Variants in LRP1B observed in about 807,000 individuals in gnomAD.
LRP1B encodes the protein low-density lipoprotein receptor-related protein 1B.
LRP1B carries 217 observed loss-of-function variants against 556.6 expected under a neutral mutation model. That is an observed-to-expected ratio of 0.39 (90% CI 0.35 to 0.44). The LOEUF (loss-of-function observed/expected upper bound fraction) is 0.44. LRP1B is among the 20% of genes least tolerant of loss of function. The probability of loss-of-function intolerance (pLI) is 1.00; values close to 1 mark genes in which losing one functional copy is unlikely to be tolerated. For synonymous variants in LRP1B, 2,047 were observed against 1,865.8 expected (o/e 1.10, Z -2.50); for missense variants, 5,053 against 5,620.8 (o/e 0.90, Z 3.23).
intron 2 of LRP1B, among the ~76,000 whole-genome samples, chr2:141,635,295 C>T (rs1689074418): frequency 6.6e-6 from 1 of 151,968 alleles, no homozygotes; most frequent in Non-Finnish European, 1.5e-5. Flanking sequence ...AAATCACAAA[C>T]CATACATCCT....
At chr2:141,054,647 A>G (rs1204078848) in intron 10 of LRP1B, among the ~76,000 whole-genome samples, 2 of 152,010 alleles carry the variant, frequency 1.3e-5, no homozygotes, top group African/African-American at 2.4e-5. Context: ...CAGCTATCTG[A>G]AAAATTGAAT....
chr2:141,310,598 TTC>T (rs971724467), intron 3 of LRP1B, among the ~76,000 whole-genome samples: 4 of 151,538 alleles, frequency 2.6e-5, no homozygotes, highest in Admixed American at 1.3e-4. Context: ...TTTCTCTCTT[TTC>T]TCTCTCTCTC....
chr2:140,601,180 C>T (rs1426834205), intron 42 of LRP1B, among the ~76,000 whole-genome samples: 1 of 150,864 alleles, frequency 6.6e-6, no homozygotes, highest in Admixed American at 6.6e-5. Flanking sequence ...CTTCATAGGC[C>T]TTTTCCAGCA....
At chr2:141,482,741 C>A (rs1308793403) in intron 2 of LRP1B, among the ~76,000 whole-genome samples, 1 of 151,936 alleles carries the variant, frequency 6.6e-6, no homozygotes, top group Non-Finnish European at 1.5e-5. Context: ...AATTACTTGG[C>A]TGATTCACAA....
intron 2 of LRP1B, among the ~76,000 whole-genome samples, chr2:141,625,912 C>CA (rs1472994249): frequency 1.3e-5 from 2 of 152,022 alleles, no homozygotes; most frequent in African/African-American, 4.8e-5. Flanking sequence ...ATTTAGATTG[C>CA]ATATTTCAAG....
At chr2:140,647,225 T>G (rs1273651863) in intron 41 of LRP1B, among the ~76,000 whole-genome samples, 1 of 152,088 alleles carries the variant, frequency 6.6e-6, no homozygotes, top group Admixed American at 6.5e-5. Flanking sequence ...AATGTCTCAA[T>G]AATGTTTTAA....
intron 2 of LRP1B, among the ~76,000 whole-genome samples, chr2:141,636,607 C>T (rs976114414): frequency 5.9e-5 from 9 of 152,014 alleles, no homozygotes; most frequent in African/African-American, 1.2e-4. Context: ...AATCATCACA[C>T]GTAATATCAA....
At chr2:140,537,296 G>T (rs1376744245) in intron 45 of LRP1B, among the ~76,000 whole-genome samples, 1 of 150,146 alleles carries the variant, frequency 6.7e-6, no homozygotes, top group Admixed American at 6.7e-5. Flanking sequence ...AAGTGTTTTT[G>T]TGTTTTCTTA....
intron 41 of LRP1B, among the ~76,000 whole-genome samples, chr2:140,630,276 T>C (rs1296480377): frequency 6.6e-6 from 1 of 152,178 alleles, no homozygotes; most frequent in Non-Finnish European, 1.5e-5. Context: ...AAGAGCATAG[T>C]GATTAAGAGT....
chr2:140,867,340 T>G (rs181685943), intron 27 of LRP1B, among the ~76,000 whole-genome samples: 8 of 152,050 alleles, frequency 5.3e-5, no homozygotes, highest in African/African-American at 1.4e-4. Context: ...GGATTTAGTT[T>G]AAAATAAATA....
chr2:140,791,428 C>T (rs1690117102), intron 32 of LRP1B, among the ~76,000 whole-genome samples: 1 of 151,528 alleles, frequency 6.6e-6, no homozygotes, highest in African/African-American at 2.4e-5. Context: ...GACCCTGTCT[C>T]TAAAAAAATT....
intron 18 of LRP1B, among the ~76,000 whole-genome samples, chr2:140,977,287 A>G (rs1366805): frequency 0.99 from 150,302 of 152,182 alleles, 74,255 homozygotes; most frequent in Middle Eastern, 1. Flanking sequence ...TCTCTGTCTC[A>G]TACCACCCAC....
chr2:140,960,781 C>A (rs1427264098), intron 18 of LRP1B, among the ~76,000 whole-genome samples: 1 of 151,850 alleles, frequency 6.6e-6, no homozygotes, highest in Non-Finnish European at 1.5e-5. Context: ...TGATTATTTA[C>A]ATATGAAATT....
intron 2 of LRP1B, among the ~76,000 whole-genome samples, chr2:141,651,493 A>G (rs886444217): frequency 1.9e-4 from 29 of 152,090 alleles, no homozygotes; most frequent in Non-Finnish European, 3.7e-4. Context: ...GTGAAACCCC[A>G]TCTCTACTAA....
intron 78 of LRP1B, 88 bp downstream of exon 78, chr2:140,335,527 A>G: frequency 1.3e-6 from 1 of 793,982 alleles, no homozygotes; most frequent in Non-Finnish European, 2.2e-6. Context: ...CACATTGAAC[A>G]CTCATTACAG....
chr2:141,904,901 C>A (rs1044903317), intron 1 of LRP1B, among the ~76,000 whole-genome samples: 2 of 151,842 alleles, frequency 1.3e-5, no homozygotes, highest in African/African-American at 4.8e-5. Context: ...GGGACAGAGA[C>A]CTGACCACCT....
intron 1 of LRP1B, among the ~76,000 whole-genome samples, chr2:142,045,536 G>A (rs1704228183): frequency 6.6e-6 from 1 of 151,664 alleles, no homozygotes; most frequent in Non-Finnish European, 1.5e-5. Context: ...TGCAATTGAC[G>A]ACCAACTGAG....
chr2:140,589,024 T>C (rs547029765), intron 43 of LRP1B, among the ~76,000 whole-genome samples: 4 of 149,874 alleles, frequency 2.7e-5, no homozygotes, highest in African/African-American at 7.3e-5. Flanking sequence ...TGACCTAAGT[T>C]TCTGACCAAA....
chr2:140,434,361 T>C (rs906300093), intron 66 of LRP1B, among the ~76,000 whole-genome samples: 2 of 152,158 alleles, frequency 1.3e-5, no homozygotes, highest in African/African-American at 4.8e-5. Context: ...TGAGCCACCA[T>C]ACCCGGCCGA....
Sources: gnomAD v4.1 joint callset for allele counts (sites outside exome capture counted in the v4.1 genomes callset) on GRCh38, gnomAD v4.1.1 for gene constraint, MANE v1.5 for transcripts, NCBI Gene and HGNC (gene_info 2026-07-23, HGNC 2026-07-21) for gene names.